GPHN: variants seen among roughly 807,000 people sequenced by gnomAD.
GPHN encodes gephyrin.
Under a neutral mutation model 95.5 loss-of-function variants are expected in GPHN, and 17 were observed. The observed-to-expected ratio is 0.18, with a 90% CI of 0.12 to 0.27. The LOEUF (loss-of-function observed/expected upper bound fraction) is 0.27. Among genes scored for constraint, GPHN ranks in the 10% least tolerant of loss-of-function variants. The probability of loss-of-function intolerance (pLI) is 1.00; values close to 1 mark genes in which losing one functional copy is unlikely to be tolerated. For missense variants in GPHN, 660 were observed against 978.1 expected (o/e 0.67, Z 4.34); for synonymous variants, 320 against 322.5 (o/e 0.99, Z 0.08).
chr14:67,714,087 T>C, the GPHN span, among the ~76,000 whole-genome samples: 3 of 152,170 alleles, frequency 2.0e-5, no homozygotes, highest in Admixed American at 6.5e-5. Flanking sequence ...GTAGCAACTA[T>C]TAGATTTAAA....
chr14:67,646,530 C>T, the GPHN span: 8 of 806,014 alleles, frequency 9.9e-6, no homozygotes, highest in South Asian at 1.3e-4. Flanking sequence ...TTGCTCTAAA[C>T]TTACCCTGTG....
intron 2 of GPHN, among the ~76,000 whole-genome samples, chr14:66,743,368 A>G (rs554942957): frequency 9.4e-4 from 143 of 152,120 alleles, no homozygotes; most frequent in African/African-American, 3.3e-3. Flanking sequence ...TTTTTCTTAG[A>G]TCACTCCAGT....
At chr14:67,457,023 C>T in the GPHN span, among the ~76,000 whole-genome samples, 8 of 152,086 alleles carry the variant, frequency 5.3e-5, no homozygotes, top group East Asian at 1.9e-4. Context: ...GAATTAATGC[C>T]GAAACAGAAA....
intron 10 of GPHN, among the ~76,000 whole-genome samples, chr14:67,045,585 G>A (rs1403766786): frequency 1.4e-5 from 2 of 145,386 alleles, no homozygotes; most frequent in African/African-American, 5.2e-5. Flanking sequence ...CTGTCTCAGT[G>A]TCTGTCTGTC....
intron 5 of GPHN, among the ~76,000 whole-genome samples, chr14:66,903,532 T>C (rs577599861): frequency 2.0e-5 from 3 of 152,276 alleles, no homozygotes; most frequent in African/African-American, 7.2e-5. Flanking sequence ...TCTATATGTG[T>C]CTTTAGAGAC....
chr14:67,135,123 C>A (rs1261408485), intron 17 of GPHN, among the ~76,000 whole-genome samples: 3 of 151,860 alleles, frequency 2.0e-5, no homozygotes, highest in Non-Finnish European at 2.9e-5. Context: ...CCACACCCAA[C>A]TAATTTTTAT....
chr14:66,731,192 C>T (rs769033386), intron 2 of GPHN, among the ~76,000 whole-genome samples: 1 of 152,148 alleles, frequency 6.6e-6, no homozygotes, highest in Non-Finnish European at 1.5e-5. Flanking sequence ...TTCTTTATAG[C>T]AGTGTGAGAA....
chr14:66,847,690 C>T (rs1001026945), intron 4 of GPHN, among the ~76,000 whole-genome samples: 4 of 152,062 alleles, frequency 2.6e-5, no homozygotes, highest in Non-Finnish European at 4.4e-5. Context: ...CAAGACCTTG[C>T]AAAGGATATG....
the GPHN span, chr14:67,589,930 G>A: frequency 7.7e-7 from 1 of 1,302,304 alleles, no homozygotes; most frequent in Non-Finnish European, 9.8e-7. Flanking sequence ...TAGATTTCCA[G>A]TCACCTGCTC....
intron 3 of GPHN, among the ~76,000 whole-genome samples, chr14:66,808,148 T>C (rs1262947672): frequency 6.6e-6 from 1 of 152,252 alleles, no homozygotes; most frequent in Admixed American, 6.5e-5. Flanking sequence ...TTAAACATCT[T>C]TTCATGTCTT....
chr14:67,402,760 AT>A, the GPHN span, among the ~76,000 whole-genome samples: 1 of 152,190 alleles, frequency 6.6e-6, no homozygotes, highest in African/African-American at 2.4e-5. Context: ...ACAGGATCTC[AT>A]TCTTTTTTAT....
intron 11 of GPHN, among the ~76,000 whole-genome samples, chr14:67,085,620 A>G (rs867816911): frequency 1.3e-5 from 2 of 152,226 alleles, no homozygotes; most frequent in Non-Finnish European, 2.9e-5. Context: ...TTAGGGTGTA[A>G]AAGTGACTAT....
chr14:66,793,124 T>C (rs1373735954), intron 3 of GPHN, among the ~76,000 whole-genome samples: 1 of 152,278 alleles, frequency 6.6e-6, no homozygotes, highest in East Asian at 1.9e-4. Flanking sequence ...GTCACAGTGC[T>C]GCAGAGATTT....
At chr14:67,619,653 G>T in the GPHN span, 1 of 232,108 alleles carries the variant, frequency 4.3e-6, no homozygotes, top group Non-Finnish European at 8.5e-6. Flanking sequence ...ACACCTGTTG[G>T]TCACCGCGCT....
chr14:66,960,293 C>T (rs73274960), intron 8 of GPHN, among the ~76,000 whole-genome samples: 45,474 of 145,028 alleles, frequency 0.31, 10,943 homozygotes, highest in African/African-American at 0.66. Context: ...TTTTTTTTTT[C>T]CCTGTGTACA....
chr14:67,619,725 G>A, the GPHN span: 3 of 419,286 alleles, frequency 7.2e-6, no homozygotes, highest in African/African-American at 4.2e-5. Context: ...GTCCCTGGCC[G>A]GAGAGCACAG....
the GPHN span, among the ~76,000 whole-genome samples, chr14:67,254,461 A>G: frequency 1.3e-5 from 2 of 152,022 alleles, no homozygotes; most frequent in Non-Finnish European, 2.9e-5. Context: ...CATTACTCAT[A>G]CCCTCAGTCA....
the GPHN span, among the ~76,000 whole-genome samples, chr14:67,291,699 C>T: frequency 6.6e-6 from 1 of 152,208 alleles, no homozygotes; most frequent in African/African-American, 2.4e-5. Flanking sequence ...TTCAGTACAA[C>T]TTAGGAGACT....
At chr14:66,985,864 A>G (rs1172427249) in intron 9 of GPHN, 2 of 572,472 alleles carry the variant, frequency 3.5e-6, no homozygotes, top group Non-Finnish European at 6.0e-6. Context: ...TTATTTTAAT[A>G]TTTTTATTGG....
Sources: gnomAD v4.1 joint callset for allele counts (sites outside exome capture counted in the v4.1 genomes callset) on GRCh38, gnomAD v4.1.1 for gene constraint, MANE v1.5 for transcripts, NCBI Gene and HGNC (gene_info 2026-07-23, HGNC 2026-07-21) for gene names.